MACF1: variants seen among roughly 807,000 people sequenced by gnomAD.
The protein encoded by MACF1 is microtubule actin crosslinking factor 1.
Under a neutral mutation model 854.8 loss-of-function variants are expected in MACF1, and 193 were observed. The ratio of observed to expected loss-of-function variants is 0.23; its 90% CI spans 0.20 to 0.25. MACF1 has a LOEUF of 0.25. Ranked by LOEUF, MACF1 falls within the 10% of genes least tolerant of loss-of-function variation. The probability of loss-of-function intolerance (pLI) is 1.00; values close to 1 mark genes in which losing one functional copy is unlikely to be tolerated. For missense variants in MACF1, 7,722 were observed against 8,929.1 expected (o/e 0.86, Z 5.45); for synonymous variants, 3,185 against 3,226.7 (o/e 0.99, Z 0.44).
In MACF1 at chr1:39,335,616, G is replaced by A; in HGVS notation, c.9028G>A (p.Asp3010Asn). 6.2e-7 allele frequency: 1 copy of A among 1,614,100 alleles called. No individual in the cohort carries two copies. Among genetic ancestry groups the A allele is most frequent in the Non-Finnish European group, 8.5e-7 (1 of 1,180,000 alleles). ...YQETAIRDEH[D>N]SHIKSQPREM... ...GGAAACTGCCATTAGAGATGAGCAT[G>A]ACTCCCATATAAAGAGCCAACCTAG... The change falls in exon 37 of 101, where the codon GAC becomes AAC. Residue 3010 changes from aspartate to asparagine, a missense_variant. This residue lies in a region of MACF1 where 854 missense variants were observed against 852.6 expected (regional missense o/e 1.00). Coordinates refer to ENST00000564288, the MANE Select transcript of MACF1 (RefSeq NM_001394062.1).
chr1:39,296,103 C>G (rs1158770171), intron 20 of MACF1, among the ~76,000 whole-genome samples: 1 of 152,210 alleles, frequency 6.6e-6, no homozygotes, highest in African/African-American at 2.4e-5. Flanking sequence ...TTACTCATGG[C>G]TGCAGACAGG....
intron 41 of MACF1, among the ~76,000 whole-genome samples, chr1:39,348,960 C>G (rs1647118563): frequency 6.6e-6 from 1 of 152,098 alleles, no homozygotes. Flanking sequence ...TTTAATGAGT[C>G]TCTGGATTGA....
intron 15 of MACF1, among the ~76,000 whole-genome samples, chr1:39,291,032 C>T (rs1032270227): frequency 2.2e-4 from 33 of 151,718 alleles, no homozygotes; most frequent in Middle Eastern, 3.4e-3. Context: ...AGTGCAGTGG[C>T]GTGATCTCCA....
Position 39,388,251 on chromosome 1 carries a change from G to A in MACF1, c.15409G>A (p.Asp5137Asn). Residue 5137 changes from aspartate (D) to asparagine (N), a missense_variant, in exon 58 of 101, where the codon GAC becomes AAC. By Grantham distance (23) the Asp-to-Asn change is conservative. Around this residue, in one of 15 missense-constraint regions of MACF1, gnomAD observed 2,807 missense variants for 3,235.8 expected, o/e 0.87. Transcript: ENST00000564288. The part of the protein sequence containing the change: ...RVREMFSQLA[D>N]LDDELDGMGA... ...CCGAGAGATGTTCTCTCAATTGGCA[G>A]ACCTGGATGATGAGCTAGATGGCAT... is the stretch of plus-strand genomic sequence containing the variant. 4.3e-6 allele frequency: 7 copies of A among 1,614,228 alleles called. No individual in the cohort carries two copies. The highest frequency in any genetic ancestry group is 5.9e-6 in the Non-Finnish European group (7 of 1,180,038).
At chr1:39,133,828 A>G (rs1421561087) in intron 2 of MACF1, among the ~76,000 whole-genome samples, 1 of 152,080 alleles carries the variant, frequency 6.6e-6, no homozygotes, top group African/African-American at 2.4e-5. Context: ...CTTTTTCTTA[A>G]ATAAATTATT....
chr1:39,201,907 T>G (rs139409136), upstream of MACF1, among the ~76,000 whole-genome samples: 12 of 151,952 alleles, frequency 7.9e-5, no homozygotes, highest in African/African-American at 2.9e-4. Flanking sequence ...CACTTGTTCT[T>G]TGGCTTATCC....
chr1:39,359,339 G>A, intron 47 of MACF1, 75 bp downstream of exon 47: 1 of 1,524,768 alleles, frequency 6.6e-7, no homozygotes, highest in Non-Finnish European at 9.0e-7. Flanking sequence ...ATGTCACATT[G>A]TGTTGTGCAA....
In MACF1 at chr1:39,336,224, TCA is replaced by T. The variant is rs773317527; in HGVS notation, c.9637_9638del (p.Gln3213GlyfsTer5). 5 of 1,614,082 alleles carry T rather than the reference TCA, an allele frequency of 3.1e-6. No homozygotes were observed. Among genetic ancestry groups the T allele is most frequent in the Non-Finnish European group, 4.2e-6 (5 of 1,180,016 alleles). ...EFSDRKDLHH[Q>X]GSKSDDKLCG... ...TCTCAGACAGAAAAGACCTTCATCA[TCA>T]GGGCAGCAAAAGTGATGATAAACTT... On this transcript the variant is annotated frameshift_variant, in exon 37 of 101. Transcript: ENST00000564288. LOFTEE classifies it high-confidence loss of function.
rs182323487 is a variant in MACF1, at chr1:39,246,669, C to T, written c.172-3345C>T. ...AATTACAGGCGCCCACGACCACACC[C>T]GGCTAATTTTTTGTATTTTTAGTAG... On this transcript the variant is annotated intron_variant, in intron 2 of 100. Transcript: ENST00000564288. Among the ~76,000 whole-genome samples, 271 of 152,030 alleles carry T rather than the reference C, an allele frequency of 1.8e-3. 1 individual carries two copies. Among genetic ancestry groups the T allele is most frequent in the Non-Finnish European group, 2.9e-3 (196 of 67,994 alleles).
At chr1:39,220,684 C>T (rs1235809808) in intron 1 of MACF1, among the ~76,000 whole-genome samples, 1 of 151,380 alleles carries the variant, frequency 6.6e-6, no homozygotes, top group African/African-American at 2.4e-5. Flanking sequence ...CGAGGTTCCC[C>T]ATATTGGCCA....
chr1:39,434,769 T>A, intron 69 of MACF1, 137 bp downstream of exon 69: 1 of 674,662 alleles, frequency 1.5e-6, no homozygotes, highest in Non-Finnish European at 2.5e-6. Context: ...ATTCCTTTCA[T>A]AATACATAAT....
At chr1:39,154,042 G>A (rs1245525704) in intron 2 of MACF1, 1 of 152,194 alleles carries the variant, frequency 6.6e-6, no homozygotes, top group Non-Finnish European at 1.5e-5. Context: ...CAGGATGTCA[G>A]TTCTGCCTCA....
In MACF1 at chr1:39,442,705, A is replaced by G. The variant is rs1644145260; in HGVS notation, c.19105-9A>G. The G allele has an allele frequency of 1.2e-6, 2 of 1,613,610 alleles. No individual in the cohort carries two copies. Among genetic ancestry groups the G allele is most frequent in the Non-Finnish European group, 1.7e-6 (2 of 1,179,926 alleles). On this transcript the variant is annotated splice_polypyrimidine_tract_variant and intron_variant, in intron 77 of 100. Transcript: ENST00000564288. ...ATAGAGATAAATTATGTTGTTCAAC[A>G]TGTTTTAGGTCCTAAAAAATGATGT...
At position 39,371,846 on chromosome 1, in the gene MACF1, C is replaced by T. The variant is rs561997061; in HGVS notation, c.13096-633C>T. ...TTTTTTTTTTTAAGACGGAGTCTCA[C>T]TCTGTCACCCAGGCTGGGATGCCGT... On this transcript the variant is annotated intron_variant, in intron 51 of 100. Transcript: ENST00000564288. Among the ~76,000 whole-genome samples the T allele has an allele frequency of 1.4e-4, 21 of 149,516 alleles. 1 individual carries two copies. In the South Asian group the frequency reaches 4.4e-3, roughly 32 times the overall value.
At chr1:39,164,006 ATATC>A (rs545680868) in intron 2 of MACF1, among the ~76,000 whole-genome samples, 115 of 152,264 alleles carry the variant, frequency 7.6e-4, no homozygotes, top group African/African-American at 2.6e-3. Flanking sequence ...GCTTTTATAT[ATATC>A]TGTTGTTGTA....
rs147633586 is a variant in MACF1 at position 39,309,680 on chromosome 1, C to T, written c.2900C>T (p.Thr967Ile). The change falls in exon 24 of 101, where the codon ACC becomes ATC. Residue 967 changes from threonine to isoleucine, a missense_variant. By Grantham distance (89) the Thr-to-Ile change is moderately conservative (BLOSUM62 -1). Around this residue, in one of 15 missense-constraint regions of MACF1, gnomAD observed 1,137 missense variants for 1,263.0 expected, o/e 0.90. Transcript: ENST00000564288. ...CGTAAAGACCTTGACCTTGTACAGA[C>T]CTGGAACCTAGAAAAGGTAATTATG... is the stretch of plus-strand genomic sequence containing the variant. The part of the protein sequence containing the change: ...YLRKDLDLVQ[T>I]WNLEKLRSSA... 8 of 1,611,586 alleles carry T rather than the reference C, an allele frequency of 5.0e-6. No individual in the cohort carries two copies. The highest frequency in any genetic ancestry group is 1.3e-5 in the African/African-American group (1 of 74,810).
intron 2 of MACF1, among the ~76,000 whole-genome samples, chr1:39,234,810 C>T (rs1056989310): frequency 1.1e-5 from 1 of 88,700 alleles, no homozygotes; most frequent in African/African-American, 3.2e-5. Flanking sequence ...GGCAGAGATG[C>T]TCCTCACCTC....
intron 2 of MACF1, among the ~76,000 whole-genome samples, chr1:39,109,116 C>G (rs1462718433): frequency 6.6e-6 from 1 of 152,120 alleles, no homozygotes; most frequent in Non-Finnish European, 1.5e-5. Flanking sequence ...TAGTTTTTGC[C>G]AGTTAATTTC....
chr1:39,214,378 A>T (rs781265156), intron 1 of MACF1, among the ~76,000 whole-genome samples: 57 of 152,216 alleles, frequency 3.7e-4, no homozygotes, highest in Non-Finnish European at 6.5e-4. Flanking sequence ...TGGTACAATT[A>T]GCCAAGACTC....
Sources: allele counts gnomAD v4.1 joint callset (sites outside exome capture counted in the v4.1 genomes callset), GRCh38; gene constraint gnomAD v4.1.1; regional missense constraint gnomAD v4.1.1; transcripts MANE v1.5; gene names NCBI Gene and HGNC (gene_info 2026-07-23, HGNC 2026-07-21).